Variants in JAKMIP3 observed in about 807,000 individuals in gnomAD.
The protein encoded by JAKMIP3 is janus kinase and microtubule-interacting protein 3.
JAKMIP3 carries 58 observed loss-of-function variants against 118.5 expected under a neutral mutation model. The ratio of observed to expected loss-of-function variants is 0.49; its 90% CI spans 0.40 to 0.61. The LOEUF is 0.61. Among genes scored for constraint, JAKMIP3 ranks in the 20% least tolerant of loss-of-function variants. The pLI, the probability that JAKMIP3 is intolerant of heterozygous loss-of-function variation, is 0.00. For synonymous variants in JAKMIP3, 486 were observed against 451.2 expected (o/e 1.08, Z -0.98); for missense variants, 950 against 1,109.0 (o/e 0.86, Z 2.04).
At chr10:132,147,351 G>C (rs890320255) in intron 13 of JAKMIP3, among the ~76,000 whole-genome samples, 1 of 152,230 alleles carries the variant, frequency 6.6e-6, no homozygotes, top group African/African-American at 2.4e-5. Context: ...GAGGACACAT[G>C]CCGTGGGCCG....
intron 11 of JAKMIP3, among the ~76,000 whole-genome samples, chr10:132,142,531 C>A (rs1476557403): frequency 6.6e-6 from 1 of 151,194 alleles, no homozygotes; most frequent in African/African-American, 2.5e-5. Context: ...GGGCAGCACC[C>A]CAGCAGCCGT....
At chr10:132,149,267 G>A (rs2055336450) in intron 14 of JAKMIP3, 145 bp from the exon 15 acceptor site, 1 of 601,766 alleles carries the variant, frequency 1.7e-6, no homozygotes, top group Middle Eastern at 3.0e-4. Context: ...TGCCACCACT[G>A]CTGCCGCTGC....
Position 132,076,858 on chromosome 10 carries a change from T to C in JAKMIP3, c.-138+10797T>C, listed in dbSNP as rs111457154. Among the ~76,000 whole-genome samples the C allele has an allele frequency of 6.4e-3, 956 of 149,800 alleles. 17 individuals carry two copies. Among genetic ancestry groups the C allele is most frequent in the African/African-American group, 0.023 (909 of 40,366 alleles). ...TGCAGTGGCCCCGGATCTTACTGCG[T>C]GAGGGCTGGCCTGCGGTGTCCCCGG... On this transcript the variant is annotated intron_variant, in intron 1 of 23. Coordinates refer to ENST00000684848, the MANE Select transcript of JAKMIP3 (RefSeq NM_001323087.2).
intron 1 of JAKMIP3, among the ~76,000 whole-genome samples, chr10:132,072,723 C>T (rs995297986): frequency 6.6e-6 from 1 of 151,980 alleles, no homozygotes; most frequent in Non-Finnish European, 1.5e-5. Context: ...TATTTTATCT[C>T]CATTCTTGGC....
At position 132,102,048 on chromosome 10, in the gene JAKMIP3, C is replaced by G. The variant is rs1008631479; in HGVS notation, c.-137-2624C>G. Reference sequence around the variant, plus strand: ...GCTCAAGTGTCAGCTGGTGTCTCCCCTTAGAGCAGCTTGTTATCAAGAGAC... The same window carrying G: ...GCTCAAGTGTCAGCTGGTGTCTCCCGTTAGAGCAGCTTGTTATCAAGAGAC... On this transcript the variant is annotated intron_variant, in intron 1 of 23. Coordinates refer to ENST00000684848, the MANE Select transcript of JAKMIP3 (RefSeq NM_001323087.2). 3.3e-5 allele frequency among the ~76,000 whole-genome samples: 5 copies of G among 152,208 alleles called. No individual in the cohort carries two copies. The East Asian group carries it at 7.8e-4, about 24-fold the overall frequency.
At chr10:132,173,295 GGT>G (rs2059806474) in intron 23 of JAKMIP3, among the ~76,000 whole-genome samples, 1 of 143,374 alleles carries the variant, frequency 7.0e-6, no homozygotes, top group Non-Finnish European at 1.5e-5. Context: ...CCAGGCCAAT[GGT>G]GTGTGGTTCT....
At chr10:132,152,846 C>T (rs2056449517) in intron 16 of JAKMIP3, 112 bp from the exon 17 acceptor site, 1 of 786,200 alleles carries the variant, frequency 1.3e-6, no homozygotes, top group African/African-American at 1.7e-5. Flanking sequence ...CTGGCCCCCA[C>T]CCAGGCGTCC....
chr10:132,036,923 G>A (rs1233150578), intron 1 of JAKMIP3, among the ~76,000 whole-genome samples: 1 of 151,732 alleles, frequency 6.6e-6, no homozygotes, highest in African/African-American at 2.4e-5. Context: ...CTCTCCCGGC[G>A]GTCCCCCCGT....
intron 1 of JAKMIP3, among the ~76,000 whole-genome samples, chr10:132,047,159 C>T (rs75054453): frequency 2.0e-3 from 312 of 152,280 alleles, no homozygotes; most frequent in African/African-American, 7.2e-3. Context: ...TAGCCATGAG[C>T]CACTGCACCC....
At chr10:132,104,534 C>A in intron 1 of JAKMIP3, 138 bp from the exon 2 acceptor site, 1 of 448,832 alleles carries the variant, frequency 2.2e-6, no homozygotes, top group East Asian at 3.8e-5. Context: ...GGTTCCCTGG[C>A]CTGCGTCGTC....
At chr10:132,159,109 C>T (rs1270601172) in intron 19 of JAKMIP3, among the ~76,000 whole-genome samples, 4 of 113,854 alleles carry the variant, frequency 3.5e-5, no homozygotes, top group African/African-American at 1.3e-4. Flanking sequence ...ATTCTGGGGG[C>T]GTCTCTCCCC....
rs750379213 is a variant in JAKMIP3 at position 132,145,088 on chromosome 10, C to A, written c.1603-19C>A. 8.7e-6 allele frequency: 14 copies of A among 1,605,744 alleles called. No individual in the cohort carries two copies. In the Admixed American group the frequency reaches 2.4e-4, roughly 27 times the overall value. On this transcript the variant is annotated intron_variant, in intron 11 of 23. Transcript: ENST00000684848. Reference sequence around the variant, plus strand: ...AGCTTTTAGAGAAAATTTGATGTATCTTTCCTCCCGTCCTACAGACCCGTG... The same window carrying A: ...AGCTTTTAGAGAAAATTTGATGTATATTTCCTCCCGTCCTACAGACCCGTG...
intron 1 of JAKMIP3, among the ~76,000 whole-genome samples, chr10:132,039,537 C>G (rs762141143): frequency 6.6e-6 from 1 of 152,308 alleles, no homozygotes; most frequent in Non-Finnish European, 1.5e-5. Context: ...GCCCTCTACA[C>G]GTGCCAGGAC....
At chr10:132,063,746 G>GT (rs1481480232), upstream of JAKMIP3, among the ~76,000 whole-genome samples, 2 of 152,250 alleles carry the variant, frequency 1.3e-5, no homozygotes, top group East Asian at 1.9e-4. Flanking sequence ...GAAAGTAGAT[G>GT]TTTTTTCTGA....
intron 23 of JAKMIP3, among the ~76,000 whole-genome samples, chr10:132,172,879 C>CTGG (rs1206126655): frequency 6.6e-6 from 1 of 151,480 alleles, no homozygotes; most frequent in Non-Finnish European, 1.5e-5. Context: ...CAGAGACAGC[C>CTGG]TGGAAATACA....
intron 1 of JAKMIP3, among the ~76,000 whole-genome samples, chr10:132,075,106 A>G (rs1201128627): frequency 1.3e-5 from 2 of 152,214 alleles, no homozygotes; most frequent in Non-Finnish European, 2.9e-5. Context: ...GAAATCAGGT[A>G]ATATGATGCC....
chr10:132,137,413 G>T, intron 8 of JAKMIP3, 124 bp downstream of exon 8: 1 of 1,245,796 alleles, frequency 8.0e-7, no homozygotes, highest in Admixed American at 2.0e-5. Context: ...CTTTCGGGTG[G>T]ATTTTGTTGT....
chr10:132,132,585 C>A (rs1348200380), intron 3 of JAKMIP3, among the ~76,000 whole-genome samples: 2 of 152,244 alleles, frequency 1.3e-5, no homozygotes, highest in East Asian at 3.8e-4. Context: ...CCTCTCACAG[C>A]CACTGGTGGG....
At chr10:132,127,831 T>G (rs903944248) in intron 3 of JAKMIP3, among the ~76,000 whole-genome samples, 2 of 152,202 alleles carry the variant, frequency 1.3e-5, no homozygotes, top group African/African-American at 4.8e-5. Flanking sequence ...ATATGTATCC[T>G]TAACTACATT....
Sources: gnomAD v4.1 joint callset for allele counts (sites outside exome capture counted in the v4.1 genomes callset) on GRCh38, gnomAD v4.1.1 for gene constraint, MANE v1.5 for transcripts, NCBI Gene and HGNC (gene_info 2026-07-23, HGNC 2026-07-21) for gene names.